Variants in SRGAP2 observed in about 807,000 individuals in gnomAD.
SRGAP2 encodes SLIT-ROBO Rho GTPase-activating protein 2.
In SRGAP2, 15 loss-of-function variants were observed where a neutral mutation model predicts 57.2. The ratio of observed to expected loss-of-function variants is 0.26; its 90% confidence interval spans 0.18 to 0.40. The LOEUF is 0.40. SRGAP2 is among the 10% of genes least tolerant of loss of function. SRGAP2 has a pLI of 1.00. For synonymous variants in SRGAP2, 249 were observed against 248.0 expected (o/e 1.00, Z -0.04); for missense variants, 520 against 669.6 (o/e 0.78, Z 2.47).
intron 12 of SRGAP2, 129 bp downstream of exon 12, chr1:206,419,529 G>A: frequency 1.4e-6 from 1 of 699,412 alleles, no homozygotes; most frequent in East Asian, 2.6e-5. Flanking sequence ...ATGGCCTGGG[G>A]CGGGGTTTGT....
intron 5 of SRGAP2, among the ~76,000 whole-genome samples, chr1:206,386,321 T>C (rs1231923966): frequency 6.6e-6 from 1 of 151,264 alleles, no homozygotes; most frequent in Non-Finnish European, 1.5e-5. Flanking sequence ...GCCTAGATTC[T>C]ACCCTGTCTT....
chr1:206,314,075 GAAAT>G (rs1353423596), intron 3 of SRGAP2, among the ~76,000 whole-genome samples: 2 of 149,476 alleles, frequency 1.3e-5, no homozygotes, highest in African/African-American at 5.0e-5. Flanking sequence ...ATCTTTAAAA[GAAAT>G]AGAGAGGGGC....
intron 4 of SRGAP2, among the ~76,000 whole-genome samples, chr1:206,381,344 C>T (rs1156997601): frequency 7.6e-6 from 1 of 131,052 alleles, no homozygotes; most frequent in East Asian, 2.3e-4. Flanking sequence ...GATAGGCTGG[C>T]AGGGGGAGAT....
chr1:206,239,874 A>G (rs1373924405), intron 2 of SRGAP2, among the ~76,000 whole-genome samples: 2 of 150,758 alleles, frequency 1.3e-5, no homozygotes, highest in Non-Finnish European at 1.5e-5. Context: ...TGAGAAGATT[A>G]TAGATTTTGA....
Position 206,438,010 on chromosome 1 carries a change from C to T in SRGAP2, c.1680C>T (p.Ser560=). Reference sequence around the variant, plus strand: ...ACCAGAACGACCATGACATGGATTCCATAGCTGGTGTCCTGAAGCTTTACT... The same window carrying T: ...ACCAGAACGACCATGACATGGATTCTATAGCTGGTGTCCTGAAGCTTTACT... ...AGDQNDHDMD[S]IAGVLKLYFR... The change falls in exon 16 of 23, where the codon TCC becomes TCT. Residue 560 remains serine, a synonymous_variant. Coordinates refer to ENST00000573034, the MANE Select transcript of SRGAP2 (RefSeq NM_015326.5). 1.3e-6 allele frequency: 1 copy of T among 780,892 alleles called. No homozygotes were observed. The highest frequency in any genetic ancestry group is 2.4e-6 in the Non-Finnish European group (1 of 417,962). The allele number at this position is 780,892 out of a possible 1,614,324, so 48.4% of individuals were successfully genotyped here.
At chr1:206,237,727 A>G (rs1230538845) in intron 2 of SRGAP2, among the ~76,000 whole-genome samples, 2 of 147,884 alleles carry the variant, frequency 1.4e-5, no homozygotes, top group Admixed American at 1.4e-4. Flanking sequence ...ACTGACCCTG[A>G]AGCAGCCAAC....
rs1206958288 is a variant in SRGAP2, at chr1:206,245,129, A to C, written c.67+39092A>C. Among the ~76,000 whole-genome samples, 7 of 134,324 alleles carry C rather than the reference A, an allele frequency of 5.2e-5. 1 individual carries two copies. The highest frequency in any genetic ancestry group is 1.9e-4 in the African/African-American group (7 of 36,108). 88.1% of individuals were successfully genotyped at this position (134,324 alleles called of 152,430 possible). On this transcript the variant is annotated intron_variant, in intron 2 of 22. Coordinates refer to ENST00000573034, the MANE Select transcript of SRGAP2 (RefSeq NM_015326.5). ...GAAAATAATGTGACCAGCTGTTGTC[A>C]GCTTCTCTGTGGAAGTGGTAACCAT... is the stretch of plus-strand genomic sequence containing the variant.
At chr1:206,218,116 C>T (rs1371962096) in intron 2 of SRGAP2, among the ~76,000 whole-genome samples, 65 of 152,320 alleles carry the variant, frequency 4.3e-4, no homozygotes, top group Admixed American at 1.0e-3. Flanking sequence ...CAAGACCAGC[C>T]TGGCCAACAT....
At chr1:206,339,863 C>T (rs1442356765) in intron 3 of SRGAP2, among the ~76,000 whole-genome samples, 4 of 151,264 alleles carry the variant, frequency 2.6e-5, no homozygotes, top group Non-Finnish European at 4.4e-5. Flanking sequence ...GATCTCAGCT[C>T]ACTGCAACCT....
At chr1:206,239,402 G>C (rs1401078952) in intron 2 of SRGAP2, among the ~76,000 whole-genome samples, 1 of 151,580 alleles carries the variant, frequency 6.6e-6, no homozygotes, top group Admixed American at 6.6e-5. Context: ...AGCTAGTATT[G>C]TGGTTGGCAT....
intron 13 of SRGAP2, 55 bp downstream of exon 13, chr1:206,421,329 C>T: frequency 1.3e-6 from 1 of 746,026 alleles, no homozygotes; most frequent in Non-Finnish European, 2.5e-6. Context: ...GTCCATCCCA[C>T]AGGCATTTAT....
intron 13 of SRGAP2, among the ~76,000 whole-genome samples, chr1:206,426,764 C>G (rs1158322434): frequency 6.6e-6 from 1 of 152,178 alleles, no homozygotes; most frequent in East Asian, 1.9e-4. Flanking sequence ...TGTATGTCTT[C>G]TTTTGAGAAT....
chr1:206,451,230 A>G (rs1359889456), intron 19 of SRGAP2, among the ~76,000 whole-genome samples: 1 of 152,068 alleles, frequency 6.6e-6, no homozygotes, highest in East Asian at 1.9e-4. Context: ...CAGAAACCAC[A>G]TGCTTTCACG....
chr1:206,402,219 A>C (rs1356390545), intron 8 of SRGAP2, among the ~76,000 whole-genome samples: 2 of 152,110 alleles, frequency 1.3e-5, no homozygotes, highest in Non-Finnish European at 2.9e-5. Flanking sequence ...GTATTGAATA[A>C]AAAAGAATGG....
intron 3 of SRGAP2, among the ~76,000 whole-genome samples, chr1:206,312,787 T>C (rs1672755603): frequency 6.6e-6 from 1 of 152,128 alleles, no homozygotes; most frequent in African/African-American, 2.4e-5. Flanking sequence ...TAAAGTATTA[T>C]GCGAGGGTAG....
At chr1:206,240,574 G>A (rs1668160352) in intron 2 of SRGAP2, among the ~76,000 whole-genome samples, 1 of 152,044 alleles carries the variant, frequency 6.6e-6, no homozygotes. Flanking sequence ...TCCAGTTTCT[G>A]CTTGCCTGAG....
chr1:206,397,726 T>G (rs1456297099), intron 7 of SRGAP2, among the ~76,000 whole-genome samples: 2 of 144,358 alleles, frequency 1.4e-5, no homozygotes, highest in East Asian at 3.9e-4. Context: ...CCCATACTCT[T>G]CTGGCTCTCT....
intron 3 of SRGAP2, among the ~76,000 whole-genome samples, chr1:206,319,118 A>G (rs1399409923): frequency 6.6e-6 from 1 of 151,728 alleles, no homozygotes; most frequent in Non-Finnish European, 1.5e-5. Flanking sequence ...TCATTACTTC[A>G]TTAAACAGAG....
At chr1:206,354,922 A>G (rs1333990285) in intron 4 of SRGAP2, among the ~76,000 whole-genome samples, 2 of 151,528 alleles carry the variant, frequency 1.3e-5, no homozygotes, top group Non-Finnish European at 2.9e-5. Flanking sequence ...TTTATAGTAG[A>G]TGTATGTTAT....
Sources: allele counts gnomAD v4.1 joint callset (sites outside exome capture counted in the v4.1 genomes callset), GRCh38; gene constraint gnomAD v4.1.1; transcripts MANE v1.5; gene names NCBI Gene and HGNC (gene_info 2026-07-23, HGNC 2026-07-21).